Variants in SHROOM3 observed in about 807,000 individuals in gnomAD.
The protein encoded by SHROOM3 is shroom family member 3.
A neutral mutation model predicts 138.6 loss-of-function variants in SHROOM3; 47 were observed. That is an observed-to-expected ratio of 0.34 (90% CI 0.27 to 0.43). The LOEUF is 0.43. Ranked by LOEUF, SHROOM3 falls within the 20% of genes least tolerant of loss-of-function variation. SHROOM3 has a pLI of 1.00. For synonymous variants in SHROOM3, 1,062 were observed against 1,063.3 expected, an observed-to-expected ratio of 1.00 and a Z score of 0.02; for missense variants, 2,491 against 2,596.5, an observed-to-expected ratio of 0.96 and a Z score of 0.88.
intron 2 of SHROOM3, among the ~76,000 whole-genome samples, chr4:76,601,762 C>T (rs1361275395): frequency 6.6e-6 from 1 of 152,206 alleles, no homozygotes; most frequent in Non-Finnish European, 1.5e-5. Flanking sequence ...CCACCTTGGC[C>T]TCCCAAAGTG....
chr4:76,655,290 T>C (rs994858620), intron 2 of SHROOM3, among the ~76,000 whole-genome samples: 3 of 152,158 alleles, frequency 2.0e-5, no homozygotes, highest in African/African-American at 7.2e-5. Context: ...TCTGCCTCTT[T>C]GTTTAATCAC....
chr4:76,746,328 G>C (rs1721432930), intron 5 of SHROOM3, among the ~76,000 whole-genome samples: 1 of 152,200 alleles, frequency 6.6e-6, no homozygotes, highest in Non-Finnish European at 1.5e-5. Context: ...TGTGACAGTG[G>C]TCCCATAAGA....
chr4:76,715,006 C>G (rs914544617), intron 3 of SHROOM3, among the ~76,000 whole-genome samples: 1 of 152,130 alleles, frequency 6.6e-6, no homozygotes, highest in Non-Finnish European at 1.5e-5. Context: ...ACACAAAAGA[C>G]TGCAGACCAT....
chr4:76,505,067 C>T (rs765099499), intron 1 of SHROOM3, among the ~76,000 whole-genome samples: 26 of 152,154 alleles, frequency 1.7e-4, no homozygotes, highest in Admixed American at 1.1e-3. Context: ...CTCTTGTGGA[C>T]ATGAGAGAAT....
At chr4:76,677,046 A>G (rs1719060436) in intron 2 of SHROOM3, among the ~76,000 whole-genome samples, 1 of 152,186 alleles carries the variant, frequency 6.6e-6, no homozygotes, top group African/African-American at 2.4e-5. Context: ...GTGAAAAGGT[A>G]CAATTTTTAA....
At chr4:76,548,648 G>T (rs997516812) in intron 1 of SHROOM3, among the ~76,000 whole-genome samples, 1 of 152,186 alleles carries the variant, frequency 6.6e-6, no homozygotes, top group Non-Finnish European at 1.5e-5. Context: ...TTACGTGCAG[G>T]CACTATGTTA....
intron 1 of SHROOM3, among the ~76,000 whole-genome samples, chr4:76,443,785 A>G (rs1047591424): frequency 6.6e-6 from 1 of 152,178 alleles, no homozygotes; most frequent in Non-Finnish European, 1.5e-5. Context: ...AGCTTTCCTG[A>G]TTTGGCAGAC....
chr4:76,592,768 A>T (rs1734300811), intron 2 of SHROOM3, among the ~76,000 whole-genome samples: 1 of 152,182 alleles, frequency 6.6e-6, no homozygotes, highest in South Asian at 2.1e-4. Context: ...AATTCGCATG[A>T]TCTCACAACG....
At chr4:76,693,845 G>A (rs1249088423) in intron 2 of SHROOM3, among the ~76,000 whole-genome samples, 1 of 145,496 alleles carries the variant, frequency 6.9e-6, no homozygotes, top group South Asian at 2.2e-4. Context: ...TTTTTCCTGA[G>A]GACTGATCTG....
intron 9 of SHROOM3, among the ~76,000 whole-genome samples, chr4:76,765,485 C>G (rs1722124126): frequency 6.6e-6 from 1 of 152,136 alleles, no homozygotes; most frequent in African/African-American, 2.4e-5. Context: ...CCAGCAATGC[C>G]TATATGCTAG....
chr4:76,500,146 T>C (rs1732059889), intron 1 of SHROOM3, among the ~76,000 whole-genome samples: 2 of 152,212 alleles, frequency 1.3e-5, no homozygotes, highest in African/African-American at 4.8e-5. Context: ...CTTGACTTTT[T>C]CTGCTAGCCG....
At chr4:76,683,342 T>C (rs1719251148) in intron 2 of SHROOM3, among the ~76,000 whole-genome samples, 1 of 151,962 alleles carries the variant, frequency 6.6e-6, no homozygotes, top group African/African-American at 2.4e-5. Flanking sequence ...CAGCCTGGGG[T>C]GTGTTCTTCC....
chr4:76,465,372 C>T (rs1240451189), intron 1 of SHROOM3, among the ~76,000 whole-genome samples: 1 of 152,190 alleles, frequency 6.6e-6, no homozygotes, highest in Non-Finnish European at 1.5e-5. Context: ...ATGCCAAGGC[C>T]ATGCTCACCC....
chr4:76,574,094 T>C (rs1009516107), intron 2 of SHROOM3, among the ~76,000 whole-genome samples: 8 of 151,204 alleles, frequency 5.3e-5, no homozygotes, highest in African/African-American at 1.7e-4. Context: ...AATCAGAACT[T>C]GGTCCTCACA....
chr4:76,775,298 T>C (rs981670926), intron 10 of SHROOM3, among the ~76,000 whole-genome samples: 20 of 151,240 alleles, frequency 1.3e-4, no homozygotes, highest in African/African-American at 4.9e-4. Context: ...TGTTCTTTTT[T>C]ATGGCTGAGT....
chr4:76,658,581 G>T (rs1736115620), intron 2 of SHROOM3, among the ~76,000 whole-genome samples: 1 of 152,108 alleles, frequency 6.6e-6, no homozygotes, highest in South Asian at 2.1e-4. Flanking sequence ...TACAGAGCAG[G>T]AACAGTGAAC....
At chr4:76,532,681 T>C (rs1256973359) in intron 1 of SHROOM3, among the ~76,000 whole-genome samples, 1 of 152,212 alleles carries the variant, frequency 6.6e-6, no homozygotes. Flanking sequence ...CATAAATTTG[T>C]TTTTCCATCT....
chr4:76,439,239 G>C (rs771914667), intron 1 of SHROOM3, among the ~76,000 whole-genome samples: 5 of 152,134 alleles, frequency 3.3e-5, no homozygotes, highest in African/African-American at 4.8e-5. Flanking sequence ...TTCTCACCCT[G>C]CAGCTGACCT....
At chr4:76,511,911 C>A (rs1259458639) in intron 1 of SHROOM3, among the ~76,000 whole-genome samples, 1 of 152,100 alleles carries the variant, frequency 6.6e-6, no homozygotes. Context: ...GAGTGAGGGG[C>A]CTGTCCTCAG....
Sources: allele counts gnomAD v4.1 joint callset (sites outside exome capture counted in the v4.1 genomes callset), GRCh38; gene constraint gnomAD v4.1.1; transcripts MANE v1.5; gene names NCBI Gene and HGNC (gene_info 2026-07-23, HGNC 2026-07-21).